Variants in TNNI3K observed in about 807,000 individuals in gnomAD.
The protein encoded by TNNI3K is TNNI3 interacting kinase, also known as serine/threonine-protein kinase TNNI3K.
In TNNI3K, 140 loss-of-function variants were observed where a neutral mutation model predicts 114.5. The ratio of observed to expected loss-of-function variants is 1.22; its 90% confidence interval spans 1.07 to 1.41. The LOEUF (loss-of-function observed/expected upper bound fraction) is 1.41, where lower values mean the gene tolerates loss of function less well. TNNI3K is among the 40% of genes most tolerant of loss of function. The pLI is 0.00. For synonymous variants in TNNI3K, 347 were observed against 347.5 expected (o/e 1.00, Z 0.02); for missense variants, 1,125 against 1,007.6 (o/e 1.12, Z -1.58).
chr1:74,323,420 A>C (rs973007356), intron 5 of TNNI3K, among the ~76,000 whole-genome samples: 2 of 151,894 alleles, frequency 1.3e-5, no homozygotes, highest in African/African-American at 4.8e-5. Flanking sequence ...ATTAAATGAA[A>C]TAGATATTCT....
chr1:74,368,292 A>G (rs1398825024), intron 13 of TNNI3K, among the ~76,000 whole-genome samples: 3 of 150,640 alleles, frequency 2.0e-5, no homozygotes, highest in Non-Finnish European at 4.4e-5. Context: ...AACATATGTG[A>G]AAAAATATAT....
At chr1:74,466,406 A>T (rs1051094345) in intron 21 of TNNI3K, among the ~76,000 whole-genome samples, 1 of 152,196 alleles carries the variant, frequency 6.6e-6, no homozygotes, top group African/African-American at 2.4e-5. Context: ...GGTAGGATGG[A>T]TGTCTCAAGC....
At chr1:74,349,811 G>A (rs1661230752) in intron 9 of TNNI3K, among the ~76,000 whole-genome samples, 1 of 152,052 alleles carries the variant, frequency 6.6e-6, no homozygotes, top group Admixed American at 6.6e-5. Flanking sequence ...TGGGATCGGT[G>A]GTGATATCCC....
At chr1:74,405,082 T>C (rs756223213) in intron 17 of TNNI3K, among the ~76,000 whole-genome samples, 6 of 152,168 alleles carry the variant, frequency 3.9e-5, no homozygotes, top group Non-Finnish European at 7.4e-5. Flanking sequence ...AGCATTGGCA[T>C]CTACAGAAAC....
At chr1:74,429,749 A>G (rs151270038) in intron 17 of TNNI3K, among the ~76,000 whole-genome samples, 10 of 152,270 alleles carry the variant, frequency 6.6e-5, no homozygotes, top group African/African-American at 2.2e-4. Context: ...TGACTTTCAC[A>G]GTGTGATGAG....
intron 17 of TNNI3K, among the ~76,000 whole-genome samples, chr1:74,433,702 A>G (rs1665997120): frequency 6.6e-6 from 1 of 152,022 alleles, no homozygotes; most frequent in African/African-American, 2.4e-5. Context: ...TGTTTTTTAT[A>G]AGAGTTCATT....
At chr1:74,240,630 T>G (rs1335653544) in intron 2 of TNNI3K, 15 of 152,182 alleles carry the variant, frequency 9.9e-5, no homozygotes, top group African/African-American at 3.4e-4. Flanking sequence ...TCAATTAAAT[T>G]ATTTTGTTTC....
In TNNI3K at chr1:74,468,855, T is replaced by C. The variant is rs142308475; in HGVS notation, c.2121+5305T>C. The C allele has an allele frequency of 2.8e-3, 427 of 152,272 alleles. 2 individuals are homozygous for C. The highest frequency in any genetic ancestry group is 9.5e-3 in the African/African-American group (397 of 41,576). 9.4% of individuals were successfully genotyped at this position (152,272 alleles called of 1,614,324 possible). The stretch of plus-strand genomic sequence containing the variant: ...GTGAAGGTATGCTTCAAATATTTTT[T>C]ACAGTGGTCTCAATAATTAAATTAT... On this transcript the variant is annotated intron_variant, in intron 21 of 24. Transcript: ENST00000326637.
In TNNI3K at chr1:74,404,009, G is replaced by A. The variant is rs550446653; in HGVS notation, c.1773-32071G>A. ...AGTAATGTGTGTTAGTTAAGAACCT[G>A]GACCCCACTGCCCACCCCAATGTCC... is the stretch of plus-strand genomic sequence containing the variant. On this transcript the variant is annotated intron_variant, in intron 17 of 24. Transcript: ENST00000326637. Among the ~76,000 whole-genome samples, 3 of 152,100 alleles carry A rather than the reference G, an allele frequency of 2.0e-5. No homozygotes were observed. In the East Asian group the frequency reaches 5.8e-4, roughly 29 times the overall value.
chr1:74,403,725 A>G (rs576592591), intron 17 of TNNI3K, among the ~76,000 whole-genome samples: 2 of 152,306 alleles, frequency 1.3e-5, no homozygotes, highest in South Asian at 2.1e-4. Context: ...TCTTATATGA[A>G]TCTTTGGCAT....
At chr1:74,321,208 GA>G (rs1388563904) in intron 5 of TNNI3K, among the ~76,000 whole-genome samples, 5 of 152,076 alleles carry the variant, frequency 3.3e-5, no homozygotes, top group Admixed American at 3.3e-4. Flanking sequence ...AATGATGGGG[GA>G]AAAATGTATA....
intron 23 of TNNI3K, among the ~76,000 whole-genome samples, chr1:74,498,696 A>G (rs1019646535): frequency 1.3e-5 from 2 of 152,132 alleles, no homozygotes; most frequent in African/African-American, 2.4e-5. Context: ...AAAATAATGA[A>G]CTACTAGATA....
At chr1:74,461,311 C>G (rs564475012) in intron 20 of TNNI3K, among the ~76,000 whole-genome samples, 2 of 152,146 alleles carry the variant, frequency 1.3e-5, no homozygotes, top group African/African-American at 4.8e-5. Flanking sequence ...AATCCCATCT[C>G]TACTAAAAAT....
At chr1:74,327,094 A>C (rs1046105095) in intron 5 of TNNI3K, among the ~76,000 whole-genome samples, 4 of 151,512 alleles carry the variant, frequency 2.6e-5, no homozygotes, top group African/African-American at 9.7e-5. Flanking sequence ...AAAAAAAAAA[A>C]AGGAAAAAGA....
Position 74,323,878 on chromosome 1 carries a change from T to G in TNNI3K, c.445-7572T>G, listed in dbSNP as rs371240963. On this transcript the variant is annotated intron_variant, in intron 5 of 24. Transcript: ENST00000326637. ...AAATGTCAGTGAGGAAAAGCAACAC[T>G]TAAGAGATGAACCGAAAAAGCCATT... 2.0e-5 allele frequency among the ~76,000 whole-genome samples: 3 copies of G among 152,130 alleles called. No homozygotes were observed. The East Asian group carries it at 5.8e-4, about 29-fold the overall frequency.
intron 11 of TNNI3K, among the ~76,000 whole-genome samples, chr1:74,360,145 T>A (rs1286821023): frequency 6.6e-6 from 1 of 151,940 alleles, no homozygotes; most frequent in Non-Finnish European, 1.5e-5. Context: ...ATAATACTTC[T>A]TCTAATCCAT....
chr1:74,329,379 A>G (rs201865463), intron 5 of TNNI3K, among the ~76,000 whole-genome samples: 2 of 152,224 alleles, frequency 1.3e-5, no homozygotes, highest in East Asian at 1.9e-4. Flanking sequence ...ACTGTACACA[A>G]TGTGTATTCT....
chr1:74,276,933 C>A (rs947956358), intron 5 of TNNI3K, among the ~76,000 whole-genome samples: 4 of 152,094 alleles, frequency 2.6e-5, no homozygotes, highest in African/African-American at 9.7e-5. Context: ...GAAGAGTAGG[C>A]AAATATTAGT....
chr1:74,393,494 A>T (rs1054772359), intron 17 of TNNI3K, among the ~76,000 whole-genome samples: 3 of 152,234 alleles, frequency 2.0e-5, no homozygotes, highest in African/African-American at 7.2e-5. Context: ...TTAACAGACC[A>T]CAAAAGGACT....
Sources: allele counts gnomAD v4.1 joint callset (sites outside exome capture counted in the v4.1 genomes callset), GRCh38; gene constraint gnomAD v4.1.1; transcripts MANE v1.5; gene names NCBI Gene and HGNC (gene_info 2026-07-23, HGNC 2026-07-21).